STK39: variants seen among roughly 807,000 people sequenced by gnomAD.
STK39 encodes serine/threonine kinase 39.
STK39 carries 20 observed loss-of-function variants against 77.8 expected under a neutral mutation model. The observed-to-expected ratio is 0.26, with a 90% CI of 0.18 to 0.37. STK39 has a LOEUF of 0.37. Among genes scored for constraint, STK39 ranks in the 10% least tolerant of loss-of-function variants. STK39 has a pLI of 1.00. For missense variants in STK39, 479 were observed against 656.5 expected, an observed-to-expected ratio of 0.73 and a Z score of 2.95; for synonymous variants, 246 against 234.1, an observed-to-expected ratio of 1.05 and a Z score of -0.47.
chr2:168,166,214 A>T (rs1405590837), intron 3 of STK39, among the ~76,000 whole-genome samples: 1 of 152,210 alleles, frequency 6.6e-6, no homozygotes, highest in Non-Finnish European at 1.5e-5. Context: ...GACACAGGCC[A>T]TTCAGGGACA....
At chr2:168,146,260 G>A (rs1157492960) in intron 5 of STK39, among the ~76,000 whole-genome samples, 2 of 152,184 alleles carry the variant, frequency 1.3e-5, no homozygotes, top group Non-Finnish European at 2.9e-5. Flanking sequence ...GGCAAAATTT[G>A]GTCTGAAAGT....
At chr2:167,975,590 C>T (rs979196241) in intron 16 of STK39, among the ~76,000 whole-genome samples, 8 of 152,032 alleles carry the variant, frequency 5.3e-5, no homozygotes, top group South Asian at 2.1e-4. Flanking sequence ...CTGAGGTGGG[C>T]GGATCATGAG....
At chr2:168,048,879 C>T (rs1161509068) in intron 14 of STK39, among the ~76,000 whole-genome samples, 1 of 152,206 alleles carries the variant, frequency 6.6e-6, no homozygotes, top group African/African-American at 2.4e-5. Context: ...CCTTCCTTTA[C>T]CCATGTAATA....
rs1186474622 is a variant in STK39, at chr2:168,247,560, C to T, written c.-125G>A. On this transcript the variant is annotated 5_prime_UTR_variant, in exon 1 of 18. Transcript: ENST00000355999. ...CCCTCCCCGCCCGCCGCCGCCGCCG[C>T]CGTCCCCGCCGAAGCCAGCTAGGAG... 2 of 740,826 alleles carry T rather than the reference C, an allele frequency of 2.7e-6. No homozygotes were observed. The highest frequency in any genetic ancestry group is 1.9e-5 in the African/African-American group (1 of 52,720). The allele number at this position is 740,826 out of a possible 1,614,324, so 45.9% of individuals were successfully genotyped here. A position where few individuals can be genotyped will look rare whatever the true frequency, so the allele number is the denominator to read the frequency against.
At chr2:168,002,926 A>G (rs1300629059) in intron 16 of STK39, among the ~76,000 whole-genome samples, 1 of 152,214 alleles carries the variant, frequency 6.6e-6, no homozygotes, top group Non-Finnish European at 1.5e-5. Context: ...TTGGATGTTT[A>G]AAGCAACACT....
intron 14 of STK39, among the ~76,000 whole-genome samples, chr2:168,053,238 A>G (rs1311169711): frequency 6.6e-6 from 1 of 152,246 alleles, no homozygotes; most frequent in African/African-American, 2.4e-5. Flanking sequence ...CAATCCAAAT[A>G]TAAGGAAGCC....
At position 167,994,710 on chromosome 2, in the gene STK39, G is replaced by T. The variant is rs188268104; in HGVS notation, c.1498+17924C>A. ...AATCATATAATACGTGACCTTTTGT[G>T]TCTGGCTTCTTACACTTAGCATAAT... On this transcript the variant is annotated intron_variant, in intron 16 of 17. Coordinates refer to ENST00000355999, the MANE Select transcript of STK39 (RefSeq NM_013233.3). Among the ~76,000 whole-genome samples the T allele has an allele frequency of 1.0e-3, 158 of 152,292 alleles. 1 individual carries two copies. The highest frequency in any genetic ancestry group is 2.7e-3 in the Admixed American group (41 of 15,304).
chr2:168,075,037 A>T, intron 11 of STK39, 26 bp from the exon 12 acceptor site: 2 of 1,613,686 alleles, frequency 1.2e-6, no homozygotes, highest in Non-Finnish European at 1.7e-6. Flanking sequence ...GTATCCATTA[A>T]TATATATACA....
At chr2:168,218,757 G>T (rs1296759099) in intron 1 of STK39, among the ~76,000 whole-genome samples, 2 of 152,276 alleles carry the variant, frequency 1.3e-5, no homozygotes, top group East Asian at 3.9e-4. Context: ...AAAAGCTCTA[G>T]ACTCTGAAAA....
intron 7 of STK39, 44 bp downstream of exon 7, chr2:168,140,245 C>A: frequency 1.4e-6 from 2 of 1,463,652 alleles, no homozygotes; most frequent in Non-Finnish European, 1.9e-6. Context: ...AGATTCCGTC[C>A]AATCACATTT....
intron 2 of STK39, among the ~76,000 whole-genome samples, chr2:168,170,321 T>A (rs1235332377): frequency 6.6e-6 from 1 of 152,208 alleles, no homozygotes; most frequent in African/African-American, 2.4e-5. Context: ...TATTTGTTTG[T>A]CCCTATCCCT....
chr2:168,211,115 T>C (rs1453277468), intron 1 of STK39, among the ~76,000 whole-genome samples: 1 of 152,144 alleles, frequency 6.6e-6, no homozygotes, highest in Non-Finnish European at 1.5e-5. Flanking sequence ...CTTTAAAATC[T>C]TGCACCCTCA....
In STK39 at chr2:168,080,546, C is replaced by T. The variant is rs531597910; in HGVS notation, c.1090-5315G>A. Among the ~76,000 whole-genome samples, 56 of 152,038 alleles carry T rather than the reference C, an allele frequency of 3.7e-4. No homozygotes were observed. In the South Asian group the frequency reaches 0.01, roughly 28 times the overall value. ...TCAGGAGGCTGAGGCAGGAGAATGA[C>T]GTGAACCTGGGAGGCGGAGTTTGCA... On this transcript the variant is annotated intron_variant, in intron 10 of 17. Transcript: ENST00000355999.
intron 16 of STK39, among the ~76,000 whole-genome samples, chr2:167,973,899 C>G (rs148230795): frequency 1.1e-4 from 16 of 152,212 alleles, no homozygotes; most frequent in African/African-American, 3.9e-4. Context: ...AAAGCACAAA[C>G]AGGATTTTCT....
chr2:168,169,731 T>C (rs1456149387), intron 2 of STK39, among the ~76,000 whole-genome samples: 1 of 151,570 alleles, frequency 6.6e-6, no homozygotes, highest in Non-Finnish European at 1.5e-5. Flanking sequence ...AAACTCTGAG[T>C]CTTAGAGACA....
chr2:168,188,652 C>G (rs1689266071), intron 1 of STK39, among the ~76,000 whole-genome samples: 1 of 152,272 alleles, frequency 6.6e-6, no homozygotes, highest in South Asian at 2.1e-4. Context: ...AGCATGTACT[C>G]GGCACATTGA....
At chr2:168,207,187 T>C (rs1212625113) in intron 1 of STK39, among the ~76,000 whole-genome samples, 1 of 152,250 alleles carries the variant, frequency 6.6e-6, no homozygotes, top group Non-Finnish European at 1.5e-5. Flanking sequence ...TGCTACCCTA[T>C]GATAGTGACT....
intron 1 of STK39, among the ~76,000 whole-genome samples, chr2:168,193,421 T>G (rs563524861): frequency 6.6e-6 from 1 of 152,158 alleles, no homozygotes; most frequent in Non-Finnish European, 1.5e-5. Flanking sequence ...AAATGTCCAG[T>G]GCAGTGAAAA....
intron 1 of STK39, among the ~76,000 whole-genome samples, chr2:168,240,832 A>C (rs546950707): frequency 2.4e-4 from 36 of 152,238 alleles, no homozygotes; most frequent in Non-Finnish European, 4.3e-4. Context: ...GCAAGGGAGT[A>C]CAGGAAGTCC....
Sources: allele counts gnomAD v4.1 joint callset (sites outside exome capture counted in the v4.1 genomes callset), GRCh38; gene constraint gnomAD v4.1.1; transcripts MANE v1.5; gene names NCBI Gene and HGNC (gene_info 2026-07-23, HGNC 2026-07-21).